Variants in ZNF713 observed in about 807,000 individuals in gnomAD.
ZNF713 encodes the protein zinc finger protein 713.
ZNF713 carries 21 observed loss-of-function variants against 28.7 expected under a neutral mutation model. The observed-to-expected ratio is 0.73, with a 90% confidence interval of 0.52 to 1.05. ZNF713 has a LOEUF of 1.05. Among genes scored for constraint, ZNF713 ranks in the 50% least tolerant of loss-of-function variants. ZNF713 has a pLI of 0.00. For synonymous variants in ZNF713, 167 were observed against 178.0 expected (o/e 0.94, Z 0.49); for missense variants, 458 against 532.4 (o/e 0.86, Z 1.37).
chr7:55,909,164 A>G lies in ZNF713; in HGVS notation c.-455-2452A>G, dbSNP rs898887206. Among the ~76,000 whole-genome samples the G allele has an allele frequency of 3.5e-5, 5 of 142,762 alleles. No homozygotes were observed. In the South Asian group the frequency reaches 6.5e-4, roughly 19 times the overall value. The allele number at this position is 142,762 out of a possible 152,430, so 93.7% of individuals were successfully genotyped here. A position where few individuals can be genotyped will look rare whatever the true frequency, so the allele number is the denominator to read the frequency against. On this transcript the variant is annotated intron_variant, in intron 2 of 6. Coordinates refer to ENST00000429591, the MANE Select transcript of ZNF713 (RefSeq NM_182633.3). ...CAGTGAGCCGAGATCACGCCACTGCACTCCAGCCTGGTCAACAGAGCAAGA... is the reference window on the plus strand; with the variant it reads ...CAGTGAGCCGAGATCACGCCACTGCGCTCCAGCCTGGTCAACAGAGCAAGA...
At chr7:55,919,490 G>GTTTTTTTTGTTTTTTTTTT (rs1785945405) in intron 4 of ZNF713, among the ~76,000 whole-genome samples, 1 of 66,760 alleles carries the variant, frequency 1.5e-5, no homozygotes, top group African/African-American at 5.0e-5. Flanking sequence ...AAACACTCCA[G>GTTTTTTTTGTTTTTTTTTT]TTTTTTTTTT....
At chr7:55,931,722 C>T (rs1019897155) in intron 6 of ZNF713, among the ~76,000 whole-genome samples, 1 of 152,112 alleles carries the variant, frequency 6.6e-6, no homozygotes, top group African/African-American at 2.4e-5. Flanking sequence ...CATGGATGGG[C>T]CTGAGCAGGG....
rs1194665040 is a variant in ZNF713 at position 55,887,903 on chromosome 7, G to A, written c.-583+223G>A. ...GGCGGCGGCGGGCGGCGGCGGCGGC[G>A]GGAGGCGGCAGGTGGCGGGAGGGGC... On this transcript the variant is annotated intron_variant, in intron 1 of 6. Coordinates refer to ENST00000429591, the MANE Select transcript of ZNF713 (RefSeq NM_182633.3). 6.2e-4 allele frequency among the ~76,000 whole-genome samples: 89 copies of A among 144,368 alleles called. 3 individuals are homozygous for A. Among genetic ancestry groups the A allele is most frequent in the Middle Eastern group, 7.0e-3 (2 of 284 alleles). The allele number at this position is 144,368 out of a possible 152,430, so 94.7% of individuals were successfully genotyped here.
chr7:55,909,971 ATG>A (rs71015122), intron 2 of ZNF713, among the ~76,000 whole-genome samples: 11,604 of 146,510 alleles, frequency 0.079, 437 homozygotes, highest in Middle Eastern at 0.1. Flanking sequence ...ATATACGTTT[ATG>A]TGTGTGTGTG....
At chr7:55,928,012 A>C (rs564716535) in intron 6 of ZNF713, among the ~76,000 whole-genome samples, 1 of 151,936 alleles carries the variant, frequency 6.6e-6, no homozygotes, top group South Asian at 2.1e-4. Context: ...TAAATATGTC[A>C]GTGGAAGATT....
rs187116923 is a variant in ZNF713, at chr7:55,912,746, C to A, written c.87+23C>A. 27 of 1,587,914 alleles carry A rather than the reference C, an allele frequency of 1.7e-5. No homozygotes were observed. The East Asian group carries it at 5.4e-4, about 32-fold the overall frequency. ...CAGGTAAGTTCAGTTTTCCTCTCCTCTGAAATGCCAGTGTTCTCAGAATGT... is the reference window on the plus strand; with the variant it reads ...CAGGTAAGTTCAGTTTTCCTCTCCTATGAAATGCCAGTGTTCTCAGAATGT... On this transcript the variant is annotated intron_variant, in intron 4 of 6. Transcript: ENST00000429591.
intron 4 of ZNF713, among the ~76,000 whole-genome samples, chr7:55,921,147 A>G (rs1001974433): frequency 2.0e-5 from 3 of 152,208 alleles, no homozygotes; most frequent in Non-Finnish European, 4.4e-5. Context: ...CGCATGGTTT[A>G]CTGAATATTT....
In ZNF713 at chr7:55,911,684, C is replaced by T. The variant is rs866186597; in HGVS notation, c.-387C>T. ...GCAGATTTGAATACTATAGTGAAGTCTGTACATGAAGAAATGATGCTTTTA... is the reference window on the plus strand; with the variant it reads ...GCAGATTTGAATACTATAGTGAAGTTTGTACATGAAGAAATGATGCTTTTA... On this transcript the variant is annotated 5_prime_UTR_variant, in exon 3 of 7. Transcript: ENST00000429591. 4 of 152,016 alleles carry T rather than the reference C, an allele frequency of 2.6e-5. No individual in the cohort carries two copies. In the South Asian group the frequency reaches 6.2e-4, roughly 24 times the overall value. The allele number at this position is 152,016 out of a possible 1,614,324, so 9.4% of individuals were successfully genotyped here.
At chr7:55,931,292 A>T (rs901800341) in intron 6 of ZNF713, among the ~76,000 whole-genome samples, 1 of 152,176 alleles carries the variant, frequency 6.6e-6, no homozygotes, top group Non-Finnish European at 1.5e-5. Context: ...CTCAAAAAAA[A>T]AAAATTGAAA....
Position 55,911,720 on chromosome 7 carries a change from A to C in ZNF713, c.-351A>C, listed in dbSNP as rs1584306023. 1 of 152,324 alleles carries C rather than the reference A, an allele frequency of 6.6e-6. No homozygotes were observed. The highest frequency in any genetic ancestry group is 2.1e-4 in the South Asian group (1 of 4,830). The allele number at this position is 152,324 out of a possible 1,614,324, so 9.4% of individuals were successfully genotyped here. A position where few individuals can be genotyped will look rare whatever the true frequency, so the allele number is the denominator to read the frequency against. ...GAAATGATGCTTTTAGGGAGGAAAA[A>C]AAAAGGTAATAACAACCTTCAAGAG... On this transcript the variant is annotated 5_prime_UTR_variant, in exon 3 of 7. Coordinates refer to ENST00000429591, the MANE Select transcript of ZNF713 (RefSeq NM_182633.3).
In ZNF713 at chr7:55,887,592, G is replaced by A. The variant is rs1417533791; in HGVS notation, c.-671G>A. ...GGGCCCTCGGCACCTTCTCCCTCCC[G>A]GGTCCACCGCGGCGGCGGCGGCGGC... is the stretch of plus-strand genomic sequence containing the variant. On this transcript the variant is annotated 5_prime_UTR_variant, in exon 1 of 7. Transcript: ENST00000429591. The A allele has an allele frequency of 1.6e-5, 3 of 188,204 alleles. No individual in the cohort carries two copies. Among genetic ancestry groups the A allele is most frequent in the East Asian group, 1.6e-4 (1 of 6,296 alleles). The allele number at this position is 188,204 out of a possible 1,614,324, so 11.7% of individuals were successfully genotyped here.
chr7:55,908,596 G>GT (rs2084328460), intron 2 of ZNF713, among the ~76,000 whole-genome samples: 2 of 150,990 alleles, frequency 1.3e-5, no homozygotes, highest in African/African-American at 4.9e-5. Flanking sequence ...CTTTTTGATG[G>GT]GTTTTTTTTT....
intron 1 of ZNF713, among the ~76,000 whole-genome samples, chr7:55,899,135 C>T (rs1785524666): frequency 6.7e-6 from 1 of 149,050 alleles, no homozygotes; most frequent in Admixed American, 6.7e-5. Flanking sequence ...GGGCAGATCA[C>T]AGGGTCAGGA....
chr7:55,903,787 G>C (rs991492996), intron 1 of ZNF713, among the ~76,000 whole-genome samples: 2 of 152,074 alleles, frequency 1.3e-5, no homozygotes. Flanking sequence ...TCATGGGGGT[G>C]GATGGAGGGC....
In ZNF713 at chr7:55,911,334, A is replaced by G. The variant is rs569614161; in HGVS notation, c.-455-282A>G. Among the ~76,000 whole-genome samples the G allele has an allele frequency of 3.7e-4, 56 of 152,358 alleles. 1 individual carries two copies. Among genetic ancestry groups the G allele is most frequent in the African/African-American group, 1.2e-3 (51 of 41,592 alleles). On this transcript the variant is annotated intron_variant, in intron 2 of 6. Coordinates refer to ENST00000429591, the MANE Select transcript of ZNF713 (RefSeq NM_182633.3). ...GTTTTTCCATCTTTCTAAAGAAAACAGTCATTGTTTCTCGAGGCAGAGAGC... is the reference window on the plus strand; with the variant it reads ...GTTTTTCCATCTTTCTAAAGAAAACGGTCATTGTTTCTCGAGGCAGAGAGC...
chr7:55,906,101 CA>C (rs71015119), intron 1 of ZNF713, 151 bp from the exon 2 acceptor site: 30,153 of 114,834 alleles, frequency 0.26, 3,251 homozygotes, highest in East Asian at 0.4. Context: ...GACTCTGACT[CA>C]AAAAAAAAAA....
At chr7:55,936,455 G>A (rs1786348019) in intron 6 of ZNF713, among the ~76,000 whole-genome samples, 2 of 152,184 alleles carry the variant, frequency 1.3e-5, no homozygotes, top group Middle Eastern at 3.4e-3. Context: ...CAGAATTAGT[G>A]ATGATACTGC....
intron 6 of ZNF713, among the ~76,000 whole-genome samples, chr7:55,931,459 AAG>A (rs752355684): frequency 2.6e-5 from 4 of 152,156 alleles, no homozygotes; most frequent in Non-Finnish European, 4.4e-5. Context: ...TTAAATTAAT[AAG>A]AGAACCAAAA....
chr7:55,912,616 A>T lies in ZNF713; in HGVS notation c.-2-19A>T, dbSNP rs1222826705. On this transcript the variant is annotated intron_variant, in intron 3 of 6. Transcript: ENST00000429591. Reference sequence around the variant, plus strand: ...AACCTTCGTGTCATATATTAACAAGATGCTTCTCTTTTTCCTAGTTATGCC... The same window carrying T: ...AACCTTCGTGTCATATATTAACAAGTTGCTTCTCTTTTTCCTAGTTATGCC... 2 of 1,562,726 alleles carry T rather than the reference A, an allele frequency of 1.3e-6. No individual in the cohort carries two copies. The highest frequency in any genetic ancestry group is 1.8e-6 in the Non-Finnish European group (2 of 1,139,294).
Sources: allele counts gnomAD v4.1 joint callset (sites outside exome capture counted in the v4.1 genomes callset), GRCh38; gene constraint gnomAD v4.1.1; transcripts MANE v1.5; gene names NCBI Gene and HGNC (gene_info 2026-07-23, HGNC 2026-07-21).